Variants in PDE4B observed in about 807,000 individuals in gnomAD.
The protein encoded by PDE4B is phosphodiesterase 4B.
In PDE4B, 20 loss-of-function variants were observed where a neutral mutation model predicts 82.2. The observed-to-expected ratio is 0.24, with a 90% confidence interval of 0.17 to 0.35. The LOEUF (loss-of-function observed/expected upper bound fraction) is 0.35. Among genes scored for constraint, PDE4B ranks in the 10% least tolerant of loss-of-function variants. The probability of loss-of-function intolerance (pLI) is 1.00; values close to 1 mark genes in which losing one functional copy is unlikely to be tolerated. For missense variants in PDE4B, 655 were observed against 907.2 expected (o/e 0.72, Z 3.57); for synonymous variants, 320 against 318.9 (o/e 1.00, Z -0.04).
At chr1:66,163,502 G>A (rs1012150643) in intron 3 of PDE4B, among the ~76,000 whole-genome samples, 2 of 151,564 alleles carry the variant, frequency 1.3e-5, no homozygotes, top group African/African-American at 4.8e-5. Context: ...TATTATTTTT[G>A]TATCTCTTAT....
Position 65,876,936 on chromosome 1 carries a change from G to A in PDE4B, c.-70-36309G>A, listed in dbSNP as rs550256565. On this transcript the variant is annotated intron_variant, in intron 1 of 16. Coordinates refer to ENST00000341517, the MANE Select transcript of PDE4B (RefSeq NM_002600.4). ...GCAAATGGAAAAAGAGTCCATGCTCGTGGATAGGATGAATCAATATCATGA... is the reference window on the plus strand; with the variant it reads ...GCAAATGGAAAAAGAGTCCATGCTCATGGATAGGATGAATCAATATCATGA... Among the ~76,000 whole-genome samples, 85 of 152,236 alleles carry A rather than the reference G, an allele frequency of 5.6e-4. 2 individuals are homozygous for A. The highest frequency in any genetic ancestry group is 1.6e-3 in the Admixed American group (25 of 15,292).
chr1:66,357,041 C>T (rs773830830), intron 9 of PDE4B, among the ~76,000 whole-genome samples: 24 of 152,266 alleles, frequency 1.6e-4, no homozygotes, highest in Non-Finnish European at 2.8e-4. Flanking sequence ...TAATGCCCAA[C>T]GATTTTTCAT....
At chr1:66,131,639 T>TATATATATATATA (rs1645953170) in intron 3 of PDE4B, among the ~76,000 whole-genome samples, 2 of 27,960 alleles carry the variant, frequency 7.2e-5, no homozygotes, top group Non-Finnish European at 2.1e-4. Flanking sequence ...ATATATATAT[T>TATATATATATATA]ACTAACCAGG....
chr1:65,873,850 C>G (rs1386805431), intron 1 of PDE4B, among the ~76,000 whole-genome samples: 1 of 152,122 alleles, frequency 6.6e-6, no homozygotes, highest in African/African-American at 2.4e-5. Flanking sequence ...TTTGTTCAAA[C>G]ACATTCTTTG....
chr1:65,909,210 G>A lies in PDE4B; in HGVS notation c.-70-4035G>A, dbSNP rs72916411. Among the ~76,000 whole-genome samples, 259 of 152,138 alleles carry A rather than the reference G, an allele frequency of 1.7e-3. 2 individuals carry two copies. The highest frequency in any genetic ancestry group is 5.9e-3 in the African/African-American group (244 of 41,530). ...CAGTTACATAAGAAATAGAATGAAA[G>A]CTTTTTGAACATCATCTGCAAAATA... On this transcript the variant is annotated intron_variant, in intron 1 of 16. Transcript: ENST00000341517.
intron 1 of PDE4B, among the ~76,000 whole-genome samples, chr1:65,846,660 G>A (rs1646271280): frequency 6.6e-6 from 1 of 152,174 alleles, no homozygotes. Flanking sequence ...TGCCTACATT[G>A]TATTTCCAAA....
intron 16 of PDE4B, among the ~76,000 whole-genome samples, chr1:66,371,132 AT>A (rs2050760594): frequency 1.6e-5 from 2 of 122,000 alleles, no homozygotes; most frequent in African/African-American, 6.7e-5. Flanking sequence ...ATATATATAT[AT>A]AATTTTATTT....
intron 3 of PDE4B, among the ~76,000 whole-genome samples, chr1:66,169,780 G>A (rs1348439874): frequency 4.6e-5 from 7 of 152,184 alleles, no homozygotes; most frequent in African/African-American, 1.4e-4. Flanking sequence ...ACTGTTTAAA[G>A]GGAGATATTT....
At chr1:66,128,251 A>C (rs934277295) in intron 3 of PDE4B, among the ~76,000 whole-genome samples, 8 of 152,214 alleles carry the variant, frequency 5.3e-5, no homozygotes, top group African/African-American at 1.9e-4. Flanking sequence ...ACCAGTCTCC[A>C]GGGAGATACC....
At chr1:66,309,687 T>G (rs1379902717) in intron 7 of PDE4B, among the ~76,000 whole-genome samples, 1 of 152,174 alleles carries the variant, frequency 6.6e-6, no homozygotes, top group Non-Finnish European at 1.5e-5. Flanking sequence ...TGGAGGCAAG[T>G]TATTAATCTC....
At chr1:66,297,858 A>G (rs1418331681) in intron 7 of PDE4B, among the ~76,000 whole-genome samples, 1 of 152,170 alleles carries the variant, frequency 6.6e-6, no homozygotes, top group South Asian at 2.1e-4. Flanking sequence ...TGTAGGTAGT[A>G]AAGTTAAATG....
At chr1:66,006,129 A>G (rs1652136338) in intron 3 of PDE4B, among the ~76,000 whole-genome samples, 1 of 152,218 alleles carries the variant, frequency 6.6e-6, no homozygotes, top group African/African-American at 2.4e-5. Context: ...TTTGTATTTT[A>G]TATGAACCCT....
At chr1:66,298,775 G>C (rs1657687503) in intron 7 of PDE4B, among the ~76,000 whole-genome samples, 1 of 152,102 alleles carries the variant, frequency 6.6e-6, no homozygotes, top group Non-Finnish European at 1.5e-5. Flanking sequence ...TGGAACTTGA[G>C]ATTTCATCTA....
At chr1:65,806,408 TGAAA>T (rs1454873810) in intron 1 of PDE4B, among the ~76,000 whole-genome samples, 1 of 152,230 alleles carries the variant, frequency 6.6e-6, no homozygotes, top group Non-Finnish European at 1.5e-5. Flanking sequence ...TTATTTTTAT[TGAAA>T]GAACATGCTT....
At chr1:66,134,642 G>A (rs1646018360) in intron 3 of PDE4B, among the ~76,000 whole-genome samples, 1 of 152,174 alleles carries the variant, frequency 6.6e-6, no homozygotes, top group Non-Finnish European at 1.5e-5. Context: ...GCTATCTAAG[G>A]CTATTTCCTT....
At chr1:66,243,165 C>T (rs1653017130) in intron 3 of PDE4B, among the ~76,000 whole-genome samples, 2 of 152,176 alleles carry the variant, frequency 1.3e-5, no homozygotes, top group Non-Finnish European at 2.9e-5. Context: ...TTATTTAGAT[C>T]ACTGTCTCAC....
At chr1:66,232,031 A>T (rs1328495873) in intron 3 of PDE4B, among the ~76,000 whole-genome samples, 3 of 152,236 alleles carry the variant, frequency 2.0e-5, no homozygotes, top group African/African-American at 7.2e-5. Context: ...GCAAGCTAAG[A>T]CCTGCTCATA....
intron 3 of PDE4B, among the ~76,000 whole-genome samples, chr1:66,194,750 T>G (rs1648141211): frequency 6.6e-6 from 1 of 152,126 alleles, no homozygotes; most frequent in African/African-American, 2.4e-5. Context: ...GACAGGGTCA[T>G]TCTTATTTAT....
chr1:66,336,193 C>T (rs1300944217), intron 8 of PDE4B, among the ~76,000 whole-genome samples: 2 of 152,240 alleles, frequency 1.3e-5, no homozygotes, highest in Non-Finnish European at 2.9e-5. Flanking sequence ...GGAGGAATGG[C>T]GCAGCTGCTG....
Sources: allele counts gnomAD v4.1 joint callset (sites outside exome capture counted in the v4.1 genomes callset), GRCh38; gene constraint gnomAD v4.1.1; transcripts MANE v1.5; gene names NCBI Gene and HGNC (gene_info 2026-07-23, HGNC 2026-07-21).